Variants in AGBL4 observed in about 807,000 individuals in gnomAD.
The protein encoded by AGBL4 is cytosolic carboxypeptidase 6.
AGBL4 carries 58 observed loss-of-function variants against 66.4 expected under a neutral mutation model. The ratio of observed to expected loss-of-function variants is 0.87; its 90% CI spans 0.71 to 1.09. AGBL4 has a LOEUF of 1.09. Ranked by LOEUF, AGBL4 falls within the 50% of genes least tolerant of loss-of-function variation. The probability of loss-of-function intolerance (pLI) is 0.00; values close to 1 mark genes in which losing one functional copy is unlikely to be tolerated. For missense variants in AGBL4, 579 were observed against 631.0 expected (o/e 0.92, Z 0.88); for synonymous variants, 234 against 222.9 (o/e 1.05, Z -0.44).
chr1:49,918,930 T>A (rs536061404), intron 1 of AGBL4, among the ~76,000 whole-genome samples: 3 of 152,144 alleles, frequency 2.0e-5, no homozygotes, highest in Non-Finnish European at 2.9e-5. Flanking sequence ...TGGTTCAACA[T>A]ACAAAAATCA....
intron 1 of AGBL4, among the ~76,000 whole-genome samples, chr1:49,928,050 A>G (rs1476395160): frequency 2.0e-5 from 3 of 152,198 alleles, no homozygotes; most frequent in Non-Finnish European, 4.4e-5. Context: ...AAACAAAAAT[A>G]TATAATTAAC....
chr1:49,565,557 G>A (rs1254663026), intron 3 of AGBL4, among the ~76,000 whole-genome samples: 1 of 152,172 alleles, frequency 6.6e-6, no homozygotes, highest in Admixed American at 6.5e-5. Flanking sequence ...TCTCCTTCAT[G>A]TATGAAGCTT....
chr1:49,169,477 G>A (rs1009923099), intron 4 of AGBL4, among the ~76,000 whole-genome samples: 1 of 152,102 alleles, frequency 6.6e-6, no homozygotes, highest in Non-Finnish European at 1.5e-5. Context: ...CACATATTTT[G>A]TTTTATTGAG....
chr1:49,126,200 A>G (rs1011512937), intron 4 of AGBL4, among the ~76,000 whole-genome samples: 4 of 152,084 alleles, frequency 2.6e-5, no homozygotes, highest in African/African-American at 9.7e-5. Flanking sequence ...TCTGGAAAGG[A>G]CCCCACGTGT....
chr1:49,466,501 C>T (rs1200143816), intron 3 of AGBL4, among the ~76,000 whole-genome samples: 5 of 151,838 alleles, frequency 3.3e-5, no homozygotes, highest in Admixed American at 3.3e-4. Context: ...GCCCTTCCAT[C>T]TGGTGCAGTG....
At chr1:49,074,808 C>T (rs1405471685) in intron 4 of AGBL4, among the ~76,000 whole-genome samples, 1 of 152,120 alleles carries the variant, frequency 6.6e-6, no homozygotes, top group African/African-American at 2.4e-5. Flanking sequence ...GGATCTTCTA[C>T]AAGCATATGA....
At chr1:49,383,635 A>C (rs1644669975) in intron 3 of AGBL4, among the ~76,000 whole-genome samples, 1 of 152,174 alleles carries the variant, frequency 6.6e-6, no homozygotes, top group African/African-American at 2.4e-5. Context: ...CACTATATCC[A>C]AAAATTAACT....
intron 4 of AGBL4, among the ~76,000 whole-genome samples, chr1:49,137,239 C>T (rs572802241): frequency 1.3e-5 from 2 of 152,230 alleles, no homozygotes; most frequent in East Asian, 3.9e-4. Context: ...AATTTGAACC[C>T]TCATCTTCCT....
intron 3 of AGBL4, among the ~76,000 whole-genome samples, chr1:49,292,165 C>T (rs1392290417): frequency 6.6e-6 from 1 of 152,212 alleles, no homozygotes; most frequent in Non-Finnish European, 1.5e-5. Flanking sequence ...ACACTTGAGG[C>T]AGTGCTGACA....
chr1:49,298,098 T>A (rs1360564884), intron 3 of AGBL4, among the ~76,000 whole-genome samples: 1 of 152,214 alleles, frequency 6.6e-6, no homozygotes, highest in Non-Finnish European at 1.5e-5. Context: ...CTCACACTTC[T>A]GTAAATTCCT....
intron 3 of AGBL4, among the ~76,000 whole-genome samples, chr1:49,482,217 G>C (rs1397143081): frequency 6.6e-6 from 1 of 151,884 alleles, no homozygotes; most frequent in Non-Finnish European, 1.5e-5. Flanking sequence ...CCAGCTCTTT[G>C]TTTGTACATC....
chr1:49,376,671 A>C (rs1644479125), intron 3 of AGBL4, among the ~76,000 whole-genome samples: 1 of 151,794 alleles, frequency 6.6e-6, no homozygotes, highest in African/African-American at 2.4e-5. Context: ...TCTTCTGTTG[A>C]CTCTGATGAC....
intron 6 of AGBL4, chr1:48,728,000 A>T: frequency 6.2e-7 from 1 of 1,612,312 alleles, no homozygotes. Context: ...GTGCAATTTC[A>T]GTTTCATCCA....
chr1:48,699,753 C>T (rs55891423), intron 6 of AGBL4, among the ~76,000 whole-genome samples: 10,556 of 152,208 alleles, frequency 0.069, 1,216 homozygotes, highest in African/African-American at 0.24. Context: ...GTAACTTACC[C>T]TTGATTGGCT....
At chr1:49,159,981 T>A (rs931262126) in intron 4 of AGBL4, among the ~76,000 whole-genome samples, 1 of 152,180 alleles carries the variant, frequency 6.6e-6, no homozygotes, top group South Asian at 2.1e-4. Flanking sequence ...TTTTCAAGCT[T>A]CTTAGCTTCC....
At chr1:49,352,372 T>C (rs1463418332) in intron 3 of AGBL4, among the ~76,000 whole-genome samples, 1 of 148,734 alleles carries the variant, frequency 6.7e-6, no homozygotes, top group Non-Finnish European at 1.5e-5. Context: ...GAAGCTTTTT[T>C]TTTTTTTTTT....
At chr1:48,667,823 G>C (rs1472892279) in intron 6 of AGBL4, among the ~76,000 whole-genome samples, 2 of 152,126 alleles carry the variant, frequency 1.3e-5, no homozygotes, top group Admixed American at 6.5e-5. Flanking sequence ...TAGATGCCAA[G>C]AGGCCCCAAA....
intron 3 of AGBL4, among the ~76,000 whole-genome samples, chr1:49,286,998 C>G (rs1644427071): frequency 6.6e-6 from 1 of 151,938 alleles, no homozygotes; most frequent in South Asian, 2.1e-4. Context: ...CAGCACGGTA[C>G]TGGTACCAAA....
intron 4 of AGBL4, among the ~76,000 whole-genome samples, chr1:49,125,143 A>G (rs1645740081): frequency 6.6e-6 from 1 of 152,224 alleles, no homozygotes; most frequent in Non-Finnish European, 1.5e-5. Flanking sequence ...TTAATATTCA[A>G]TAGCAATAAA....
Sources: allele counts gnomAD v4.1 joint callset (sites outside exome capture counted in the v4.1 genomes callset), GRCh38; gene constraint gnomAD v4.1.1; transcripts MANE v1.5; gene names NCBI Gene and HGNC (gene_info 2026-07-23, HGNC 2026-07-21).